Variants in XKR4 observed in about 807,000 individuals in gnomAD.
The protein encoded by XKR4 is XK related 4, also known as XK-related protein 4.
Under a neutral mutation model 53.9 loss-of-function variants are expected in XKR4, and 12 were observed. That is an observed-to-expected ratio of 0.22 (90% CI 0.14 to 0.36). XKR4 has a LOEUF of 0.36. XKR4 is among the 10% of genes least tolerant of loss of function. XKR4 has a pLI of 1.00. For missense variants in XKR4, 799 were observed against 859.5 expected (o/e 0.93, Z 0.88); for synonymous variants, 354 against 362.4 (o/e 0.98, Z 0.26).
In XKR4 at chr8:55,540,741, C is replaced by G. The variant is rs183854368; in HGVS notation, c.*16514C>G. 2.0e-5 allele frequency: 3 copies of G among 152,306 alleles called. No homozygotes were observed. The East Asian group carries it at 5.8e-4, about 29-fold the overall frequency. The allele number at this position is 152,306 out of a possible 1,614,324, so 9.4% of individuals were successfully genotyped here. ...TTAAAGCAAGAGCAAAATCATCCTT[C>G]CTATGGATTCTTTTCTCAGTGTTTA... On this transcript the variant is annotated 3_prime_UTR_variant, in exon 3 of 3. Coordinates refer to ENST00000327381, the MANE Select transcript of XKR4 (RefSeq NM_052898.2).
At chr8:55,491,169 T>C (rs1024284496) in intron 2 of XKR4, among the ~76,000 whole-genome samples, 21 of 152,190 alleles carry the variant, frequency 1.4e-4, no homozygotes, top group African/African-American at 4.8e-4. Flanking sequence ...CCTTTAAAGT[T>C]TCATTTGGCT....
chr8:55,214,241 A>T (rs990251204), intron 1 of XKR4, among the ~76,000 whole-genome samples: 8 of 152,164 alleles, frequency 5.3e-5, no homozygotes, highest in Non-Finnish European at 1.0e-4. Flanking sequence ...AATTCAGTAA[A>T]TTTAAAAAGC....
At chr8:55,401,891 C>G (rs1404281952) in intron 2 of XKR4, among the ~76,000 whole-genome samples, 3 of 152,152 alleles carry the variant, frequency 2.0e-5, no homozygotes, top group African/African-American at 7.2e-5. Flanking sequence ...TACATATTTA[C>G]TAATTCATTT....
chr8:55,130,856 C>T (rs1816543375), intron 1 of XKR4, among the ~76,000 whole-genome samples: 1 of 152,088 alleles, frequency 6.6e-6, no homozygotes, highest in Non-Finnish European at 1.5e-5. Context: ...CAAGTTTGAC[C>T]TCACCTTCTT....
chr8:55,242,777 G>A (rs757747954), intron 1 of XKR4, among the ~76,000 whole-genome samples: 7 of 152,112 alleles, frequency 4.6e-5, no homozygotes, highest in South Asian at 2.1e-4. Flanking sequence ...GCTACGTCTC[G>A]GATCTAGTCT....
chr8:55,326,462 T>G (rs1453466864), intron 1 of XKR4, among the ~76,000 whole-genome samples: 2 of 133,544 alleles, frequency 1.5e-5, no homozygotes, highest in African/African-American at 5.8e-5. Flanking sequence ...CAACTGATTT[T>G]TTTTCCTTTT....
At chr8:55,461,844 T>A (rs953861102) in intron 2 of XKR4, among the ~76,000 whole-genome samples, 7 of 152,148 alleles carry the variant, frequency 4.6e-5, no homozygotes, top group African/African-American at 1.7e-4. Context: ...CCTCAGTAAC[T>A]GATGCGATCA....
chr8:55,201,591 T>A (rs2129362295), intron 1 of XKR4, among the ~76,000 whole-genome samples: 1 of 152,350 alleles, frequency 6.6e-6, no homozygotes, highest in Non-Finnish European at 1.5e-5. Flanking sequence ...CCTCTTACCC[T>A]GTCTCTAGAA....
intron 1 of XKR4, among the ~76,000 whole-genome samples, chr8:55,136,099 G>A (rs1585897349): frequency 1.3e-5 from 2 of 152,006 alleles, no homozygotes; most frequent in Admixed American, 1.3e-4. Flanking sequence ...TCACCATGTT[G>A]GCCAGGCTGG....
At chr8:55,278,078 T>C (rs901894490) in intron 1 of XKR4, among the ~76,000 whole-genome samples, 2 of 152,150 alleles carry the variant, frequency 1.3e-5, no homozygotes, top group African/African-American at 2.4e-5. Flanking sequence ...CTTACATCTA[T>C]AATCCCAGCA....
chr8:55,398,482 T>C (rs1390561017), intron 2 of XKR4, among the ~76,000 whole-genome samples: 1 of 152,182 alleles, frequency 6.6e-6, no homozygotes, highest in African/African-American at 2.4e-5. Flanking sequence ...GCTCCGTTCT[T>C]TGTTGGTAGG....
intron 2 of XKR4, among the ~76,000 whole-genome samples, chr8:55,484,597 G>A (rs1806166134): frequency 6.6e-6 from 1 of 152,140 alleles, no homozygotes; most frequent in South Asian, 2.1e-4. Flanking sequence ...AATTTTATGT[G>A]TCCACTTGAC....
intron 2 of XKR4, among the ~76,000 whole-genome samples, chr8:55,400,858 G>C (rs1804589556): frequency 6.6e-6 from 1 of 152,164 alleles, no homozygotes. Context: ...TTTCTTAAGA[G>C]CCTCTCTCTC....
chr8:55,268,972 T>G (rs557321001), intron 1 of XKR4, among the ~76,000 whole-genome samples: 81 of 152,332 alleles, frequency 5.3e-4, no homozygotes, highest in Non-Finnish European at 9.3e-4. Flanking sequence ...AGTTCCACCT[T>G]AAACAGGATT....
At chr8:55,299,154 T>G (rs1314203604) in intron 1 of XKR4, among the ~76,000 whole-genome samples, 1 of 152,150 alleles carries the variant, frequency 6.6e-6, no homozygotes, top group Admixed American at 6.6e-5. Flanking sequence ...ACATTGACAT[T>G]TTGGAGAACA....
At chr8:55,128,693 A>T (rs1047998019) in intron 1 of XKR4, among the ~76,000 whole-genome samples, 1 of 152,232 alleles carries the variant, frequency 6.6e-6, no homozygotes, top group African/African-American at 2.4e-5. Flanking sequence ...AACCAAACGT[A>T]CCATGATTGC....
In XKR4 at chr8:55,102,891, G is replaced by T. The variant is rs1816071130; in HGVS notation, c.403G>T (p.Asp135Tyr). The stretch of plus-strand genomic sequence containing the variant: ...GGGCACAGACGTCTGGCTCGCCGTG[G>T]ACTACTACCTGCGCGGCCAGCGCTG... ...DVGTDVWLAVDYYLRGQRWWF... is the reference protein window; with the variant it reads ...DVGTDVWLAVYYYLRGQRWWF... The change falls in exon 1 of 3, where the codon GAC (aspartate) becomes TAC (tyrosine). Residue 135 changes from aspartate to tyrosine, a missense_variant. By Grantham distance (160) the Asp-to-Tyr change is radical. Transcript: ENST00000327381. This position sits in a 1 kb window ranked among gnomAD's most constrained non-coding sequence, Gnocchi z 5.1. 1 of 1,612,042 alleles carries T rather than the reference G, an allele frequency of 6.2e-7. No homozygotes were observed.
intron 1 of XKR4, among the ~76,000 whole-genome samples, chr8:55,108,830 A>C (rs1359823288): frequency 2.0e-5 from 3 of 152,088 alleles, no homozygotes; most frequent in African/African-American, 4.8e-5. Flanking sequence ...TCTATTTTGC[A>C]GATGTGGAAA....
intron 1 of XKR4, among the ~76,000 whole-genome samples, chr8:55,165,668 G>C (rs1817055193): frequency 6.6e-6 from 1 of 151,916 alleles, no homozygotes. Flanking sequence ...AGCTGGGTGT[G>C]GTGGCGGGTG....
Sources: allele counts gnomAD v4.1 joint callset (sites outside exome capture counted in the v4.1 genomes callset), GRCh38; gene constraint gnomAD v4.1.1; non-coding constraint Gnocchi (gnomAD v3.1); transcripts MANE v1.5; gene names NCBI Gene and HGNC (gene_info 2026-07-23, HGNC 2026-07-21).